The following STYX variants were observed in gnomAD, a reference collection of about 807,000 sequenced individuals.
The protein encoded by STYX is serine/threonine/tyrosine interacting protein, also known as serine/threonine/tyrosine-interacting protein.
In STYX, 20 loss-of-function variants were observed where a neutral mutation model predicts 42.7. That is an observed-to-expected ratio of 0.47 (90% confidence interval 0.33 to 0.68). The LOEUF is 0.68. Ranked by LOEUF, STYX falls within the 30% of genes least tolerant of loss-of-function variation. The pLI, the probability that STYX is intolerant of heterozygous loss-of-function variation, is 0.02. For synonymous variants in STYX, 78 were observed against 81.9 expected (o/e 0.95, Z 0.26); for missense variants, 226 against 268.5 (o/e 0.84, Z 1.11).
In STYX at chr14:52,730,183, C is replaced by T. The variant is rs1056118125; in HGVS notation, c.-292C>T. The T allele has an allele frequency of 6.4e-6, 3 of 466,670 alleles. No homozygotes were observed. Among genetic ancestry groups the T allele is most frequent in the African/African-American group, 4.1e-5 (2 of 49,088 alleles). 28.9% of individuals were successfully genotyped at this position (466,670 alleles called of 1,614,324 possible). On this transcript the variant is annotated 5_prime_UTR_variant, in exon 1 of 11. Transcript: ENST00000354586. Reference sequence around the variant, plus strand: ...GGGGAGACGGTTGTCGGGCTGGTTCCTGTGCTGGATCCTGGGCGGCCTGAG... The same window carrying T: ...GGGGAGACGGTTGTCGGGCTGGTTCTTGTGCTGGATCCTGGGCGGCCTGAG...
intron 9 of STYX, among the ~76,000 whole-genome samples, chr14:52,768,615 G>C (rs897582378): frequency 3.3e-5 from 5 of 152,018 alleles, no homozygotes; most frequent in East Asian, 3.9e-4. Flanking sequence ...TGGCAGTTCA[G>C]CATGCAGTAC....
intron 9 of STYX, among the ~76,000 whole-genome samples, chr14:52,760,865 G>A (rs1177448062): frequency 1.3e-5 from 2 of 151,750 alleles, no homozygotes; most frequent in African/African-American, 2.4e-5. Flanking sequence ...TTCGATACAG[G>A]CATGCAATGT....
chr14:52,772,407 A>T lies in STYX; in HGVS notation c.*1301A>T, dbSNP rs1363451882. 6.6e-6 allele frequency: 1 copy of T among 152,552 alleles called. No individual in the cohort carries two copies. The allele number at this position is 152,552 out of a possible 1,614,324, so 9.4% of individuals were successfully genotyped here. On this transcript the variant is annotated 3_prime_UTR_variant, in exon 11 of 11. Transcript: ENST00000354586. ...TAATTTGCTTTAGTAAAGTCACTTT[A>T]TGGATTTTTGGCTATGTTTTAGTTT...
At chr14:52,737,561 A>G (rs983989929) in intron 1 of STYX, among the ~76,000 whole-genome samples, 13 of 152,226 alleles carry the variant, frequency 8.5e-5, no homozygotes, top group African/African-American at 3.1e-4. Flanking sequence ...ATTAATTACA[A>G]TAGTAACTTA....
chr14:52,746,424 A>G lies in STYX; in HGVS notation c.91-2A>G. ...AAATACCTCAAATTTTTTTTTTTCTAGGAAATTTTACCTGGATTGTTCTTA... is the reference window on the plus strand; with the variant it reads ...AAATACCTCAAATTTTTTTTTTTCTGGGAAATTTTACCTGGATTGTTCTTA... On this transcript the variant is annotated splice_acceptor_variant, in intron 2 of 10. Coordinates refer to ENST00000354586, the MANE Select transcript of STYX (RefSeq NM_145251.4). LOFTEE classifies it high-confidence loss of function. 2 of 1,551,972 alleles carry G rather than the reference A, an allele frequency of 1.3e-6. No individual in the cohort carries two copies. The highest frequency in any genetic ancestry group is 1.7e-6 in the Non-Finnish European group (2 of 1,159,410).
intron 9 of STYX, among the ~76,000 whole-genome samples, chr14:52,764,714 G>A (rs1437907325): frequency 7.3e-6 from 1 of 137,600 alleles, no homozygotes; most frequent in Non-Finnish European, 1.5e-5. Flanking sequence ...TCTTGCCCAG[G>A]CTGGAGTACA....
chr14:52,732,710 G>A (rs1346694999), intron 1 of STYX, among the ~76,000 whole-genome samples: 1 of 151,748 alleles, frequency 6.6e-6, no homozygotes, highest in East Asian at 1.9e-4. Flanking sequence ...CACTCTTGTT[G>A]CCCAGGCTGG....
At position 52,730,375 on chromosome 14, in the gene STYX, C is replaced by T. The variant is rs565889841; in HGVS notation, c.-100C>T. On this transcript the variant is annotated 5_prime_UTR_variant, in exon 1 of 11. Transcript: ENST00000354586. ...CCGCCGCCCTCCTGTCAGCCCTCCG[C>T]TCCGCCGGCCCTCCTTCCTTCCGCC... 1.9e-5 allele frequency: 24 copies of T among 1,274,504 alleles called. No individual in the cohort carries two copies. In the Admixed American group the frequency reaches 2.2e-4, roughly 12 times the overall value. 78.9% of individuals were successfully genotyped at this position (1,274,504 alleles called of 1,614,324 possible).
rs544828067 is a variant in STYX, at chr14:52,754,166, G to A, written c.243-2385G>A. 2.6e-5 allele frequency among the ~76,000 whole-genome samples: 4 copies of A among 152,016 alleles called. No individual in the cohort carries two copies. The South Asian group carries it at 8.3e-4, about 32-fold the overall frequency. The stretch of plus-strand genomic sequence containing the variant: ...GCCTCCCACAGTGCTGGGATTACAG[G>A]CGTGAGCCACTGCGCCCGGCCTGAA... On this transcript the variant is annotated intron_variant, in intron 4 of 10. Transcript: ENST00000354586.
At chr14:52,758,108 A>G (rs1232781306) in intron 8 of STYX, among the ~76,000 whole-genome samples, 184 bp downstream of exon 8, 1 of 152,204 alleles carries the variant, frequency 6.6e-6, no homozygotes, top group Admixed American at 6.5e-5. Flanking sequence ...ATAGATATGC[A>G]TAGGCTAATA....
At chr14:52,751,330 G>T (rs183978839) in intron 4 of STYX, among the ~76,000 whole-genome samples, 1 of 152,160 alleles carries the variant, frequency 6.6e-6, no homozygotes, top group African/African-American at 2.4e-5. Flanking sequence ...TATTCAATTA[G>T]TCTGTTAGAT....
chr14:52,750,868 T>C (rs1881584751), intron 4 of STYX, 88 bp downstream of exon 4: 2 of 829,128 alleles, frequency 2.4e-6, no homozygotes. Context: ...CATATCTAGT[T>C]TGTAAAAATG....
intron 4 of STYX, among the ~76,000 whole-genome samples, chr14:52,755,973 C>T (rs1180168231): frequency 6.6e-6 from 1 of 152,078 alleles, no homozygotes; most frequent in Non-Finnish European, 1.5e-5. Context: ...TATCTTCCTG[C>T]TTGTGATTTT....
At chr14:52,735,094 G>C (rs754778073) in intron 1 of STYX, among the ~76,000 whole-genome samples, 2 of 152,038 alleles carry the variant, frequency 1.3e-5, no homozygotes, top group Non-Finnish European at 2.9e-5. Context: ...AAGGGTAGTG[G>C]TGCAGCTAGT....
chr14:52,755,362 A>G (rs549769152), intron 4 of STYX, among the ~76,000 whole-genome samples: 16 of 152,112 alleles, frequency 1.1e-4, no homozygotes, highest in Non-Finnish European at 1.8e-4. Context: ...ACCTCAGGCA[A>G]TCCACCTGCC....
chr14:52,768,928 C>T lies in STYX; in HGVS notation c.593C>T (p.Thr198Ile). The T allele has an allele frequency of 6.4e-7, 1 of 1,565,286 alleles. No individual in the cohort carries two copies. Among genetic ancestry groups the T allele is most frequent in the Non-Finnish European group, 8.6e-7 (1 of 1,160,184 alleles). The change falls in exon 10 of 11, where the codon ACC becomes ATC. Residue 198 changes from threonine to isoleucine, a missense_variant. By Grantham distance (89) the Thr-to-Ile change is moderately conservative. Transcript: ENST00000354586. ...IERSLSVHSG[T>I]TGSLKRTHEE... The stretch of plus-strand genomic sequence containing the variant: ...AGGTCATTATCTGTTCATTCTGGTA[C>T]CACAGGTAAGGATTTTTTTCTTTTT...
At chr14:52,758,321 AATC>A (rs1881956057) in intron 8 of STYX, among the ~76,000 whole-genome samples, 1 of 152,192 alleles carries the variant, frequency 6.6e-6, no homozygotes, top group African/African-American at 2.4e-5. Flanking sequence ...TCTTATCAAA[AATC>A]ATCTTTTCCA....
chr14:52,730,617 G>T (rs564599190), intron 1 of STYX, 86 bp downstream of exon 1: 42 of 1,485,750 alleles, frequency 2.8e-5, no homozygotes, highest in Non-Finnish European at 3.2e-5. Flanking sequence ...CGTCTTAGCC[G>T]CCACCTGTAC....
intron 9 of STYX, among the ~76,000 whole-genome samples, chr14:52,764,205 C>G (rs1882210438): frequency 6.6e-6 from 1 of 152,058 alleles, no homozygotes; most frequent in South Asian, 2.1e-4. Flanking sequence ...GTTGGCCAGG[C>G]TGGTCTCGAA....
Sources: gnomAD v4.1 joint callset for allele counts (sites outside exome capture counted in the v4.1 genomes callset) on GRCh38, gnomAD v4.1.1 for gene constraint, MANE v1.5 for transcripts, NCBI Gene and HGNC (gene_info 2026-07-23, HGNC 2026-07-21) for gene names.